Variants in GLIS3 observed in about 807,000 individuals in gnomAD.
GLIS3 encodes the protein zinc finger protein GLIS3.
GLIS3 carries 53 observed loss-of-function variants against 78.6 expected under a neutral mutation model. That is an observed-to-expected ratio of 0.67 (90% confidence interval 0.54 to 0.85). The LOEUF is 0.85. GLIS3 is among the 40% of genes least tolerant of loss of function. The pLI is 0.00. For missense variants in GLIS3, 1,703 were observed against 1,231.1 expected, an observed-to-expected ratio of 1.38 and a Z score of -5.74; for synonymous variants, 684 against 509.9, an observed-to-expected ratio of 1.34 and a Z score of -4.60.
upstream of GLIS3, among the ~76,000 whole-genome samples, chr9:4,303,212 T>C (rs528734638): frequency 5.6e-3 from 856 of 151,858 alleles, 10 homozygotes; most frequent in Non-Finnish European, 8.3e-3. Context: ...AACCCCAAAA[T>C]ACAGATAAGT....
chr9:4,374,317 T>A, the GLIS3 span, among the ~76,000 whole-genome samples: 1 of 152,234 alleles, frequency 6.6e-6, no homozygotes, highest in African/African-American at 2.4e-5. Context: ...GCTTTATCTA[T>A]CCCTGCAAAG....
chr9:4,120,654 G>A (rs1832106975), intron 3 of GLIS3, among the ~76,000 whole-genome samples: 1 of 152,164 alleles, frequency 6.6e-6, no homozygotes, highest in Admixed American at 6.5e-5. Context: ...TATCGTATAT[G>A]AGACAGAGAC....
intron 1 of GLIS3, among the ~76,000 whole-genome samples, chr9:4,288,707 ACACTCCCG>A (rs1828204416): frequency 6.7e-6 from 1 of 149,656 alleles, no homozygotes; most frequent in Admixed American, 6.8e-5. Context: ...TTTATAAACT[ACACTCCCG>A]TTTTAAATAG....
At chr9:3,932,150 A>G (rs1247332412) in intron 6 of GLIS3, among the ~76,000 whole-genome samples, 1 of 122,206 alleles carries the variant, frequency 8.2e-6, no homozygotes, top group Non-Finnish European at 2.0e-5. Context: ...TGCAAACCAT[A>G]GCCATATCAG....
chr9:4,009,208 T>C (rs1472652516), intron 4 of GLIS3, among the ~76,000 whole-genome samples: 2 of 152,126 alleles, frequency 1.3e-5, no homozygotes, highest in African/African-American at 2.4e-5. Flanking sequence ...AGAATGAAAA[T>C]TGCTCACACG....
intron 2 of GLIS3, among the ~76,000 whole-genome samples, chr9:4,243,189 T>A (rs945348527): frequency 1.3e-5 from 2 of 152,132 alleles, no homozygotes; most frequent in Non-Finnish European, 2.9e-5. Flanking sequence ...CACTTAATAA[T>A]TAAGGGAGCT....
intron 7 of GLIS3, among the ~76,000 whole-genome samples, chr9:3,890,480 A>T (rs10814765): frequency 0.99 from 150,215 of 152,150 alleles, 74,184 homozygotes; most frequent in Middle Eastern, 1. Context: ...CACAATTAAT[A>T]ATCCAACATT....
At chr9:4,332,082 T>C (rs1817696072) in intron 2 of GLIS3, among the ~76,000 whole-genome samples, 1 of 152,212 alleles carries the variant, frequency 6.6e-6, no homozygotes, top group Admixed American at 6.5e-5. Flanking sequence ...TCCAAGGATT[T>C]CTCATATCCT....
intron 4 of GLIS3, among the ~76,000 whole-genome samples, chr9:4,104,296 C>T (rs115038995): frequency 1.6e-3 from 240 of 152,242 alleles, no homozygotes; most frequent in African/African-American, 5.4e-3. Flanking sequence ...CCCCCTCCTT[C>T]CAGGTGCATG....
rs568483224 is a variant in GLIS3, at chr9:4,243,437, G to C, written c.388+42601C>G. ...ACATACGCATAGAGTACTAACACAG[G>C]TATACACATTTAGTACTAACACCAG... is the stretch of plus-strand genomic sequence containing the variant. On this transcript the variant is annotated intron_variant, in intron 2 of 10. Coordinates refer to ENST00000381971, the MANE Select transcript of GLIS3 (RefSeq NM_001042413.2). Among the ~76,000 whole-genome samples, 3 of 152,030 alleles carry C rather than the reference G, an allele frequency of 2.0e-5. No homozygotes were observed. In the South Asian group the frequency reaches 6.2e-4, roughly 32 times the overall value.
At position 4,117,921 on chromosome 9, in the gene GLIS3, C is replaced by A. The variant is rs749956126; in HGVS notation, c.1557G>T (p.Arg519=). The A allele has an allele frequency of 1.2e-6, 2 of 1,614,030 alleles. No homozygotes were observed. Among genetic ancestry groups the A allele is most frequent in the East Asian group, 2.2e-5 (1 of 44,872 alleles). Residue 519 remains arginine, a synonymous_variant, in exon 4 of 11, where the codon CGG becomes CGT. Coordinates refer to ENST00000381971, the MANE Select transcript of GLIS3 (RefSeq NM_001042413.2). ...GGTCGATGTGGACCTTCTCGATGTG[C>A]CGCACGAGCTCCTCCTGCTGGTCGT... ...ALYDQQEELV[R]HIEKVHIDQR...
intron 1 of GLIS3, among the ~76,000 whole-genome samples, chr9:4,293,190 T>C (rs1353021526): frequency 1.3e-5 from 2 of 152,206 alleles, no homozygotes; most frequent in Non-Finnish European, 2.9e-5. Flanking sequence ...GACTAAGTAT[T>C]TGCAAGGCTA....
In GLIS3 at chr9:4,250,817, G is replaced by T. The variant is rs200763944; in HGVS notation, c.388+35221C>A. On this transcript the variant is annotated intron_variant, in intron 2 of 10. Transcript: ENST00000381971. ...AGAGATTCTGGTACGTTGTGTCTTT[G>T]TTCTCATTGGTTTCAAAGAAATTAT... is the stretch of plus-strand genomic sequence containing the variant. Among the ~76,000 whole-genome samples, 3 of 152,126 alleles carry T rather than the reference G, an allele frequency of 2.0e-5. No homozygotes were observed. The East Asian group carries it at 5.8e-4, about 29-fold the overall frequency.
intron 4 of GLIS3, among the ~76,000 whole-genome samples, chr9:4,053,883 G>T (rs995073395): frequency 3.3e-5 from 5 of 151,876 alleles, no homozygotes; most frequent in African/African-American, 1.2e-4. Context: ...CATCAAACAC[G>T]GCAATCTGTT....
chr9:4,463,606 G>C, the GLIS3 span, among the ~76,000 whole-genome samples: 5 of 152,170 alleles, frequency 3.3e-5, no homozygotes, highest in African/African-American at 4.8e-5. Flanking sequence ...GATATCTGCT[G>C]TTTTAGGAGA....
chr9:4,212,883 AT>A, intron 2 of GLIS3, among the ~76,000 whole-genome samples: 1 of 152,292 alleles, frequency 6.6e-6, no homozygotes, highest in East Asian at 1.9e-4. Flanking sequence ...CCTGAGGGGT[AT>A]GGGGAGGCAG....
intron 4 of GLIS3, among the ~76,000 whole-genome samples, chr9:4,009,457 C>A (rs1284574797): frequency 2.0e-5 from 3 of 152,156 alleles, no homozygotes; most frequent in African/African-American, 4.8e-5. Context: ...CAGCCATGGC[C>A]CCGGCCCTGA....
intron 4 of GLIS3, among the ~76,000 whole-genome samples, chr9:4,022,636 G>C (rs573705633): frequency 1.3e-5 from 2 of 152,224 alleles, no homozygotes; most frequent in Admixed American, 1.3e-4. Flanking sequence ...AGTGTTCATG[G>C]ACTTCTTATT....
rs369419330 is a variant in GLIS3, at chr9:4,118,486, A to T, written c.992T>A (p.Ile331Asn). The T allele has an allele frequency of 2.5e-6, 4 of 1,614,012 alleles. No individual in the cohort carries two copies. Among genetic ancestry groups the T allele is most frequent in the Middle Eastern group, 1.6e-4 (1 of 6,084 alleles). The change falls in exon 4 of 11, where the codon ATC becomes AAC. Residue 331 changes from isoleucine to asparagine, a missense_variant. Ile to Asn is a moderately radical substitution (Grantham distance 149). Transcript: ENST00000381971. The surrounding 1 kb of genome is among the most constrained non-coding windows in gnomAD (Gnocchi z 4.7). ...RTSPTSLVAY[I>N]NGSRASPANL... is the part of the protein sequence containing the mutation. The stretch of plus-strand genomic sequence containing the variant: ...GGCCGGCGAAGCCCTCGACCCGTTG[A>T]TGTAGGCCACCAAGGACGTGGGCGA...
Sources: gnomAD v4.1 joint callset for allele counts (sites outside exome capture counted in the v4.1 genomes callset) on GRCh38, gnomAD v4.1.1 for gene constraint, Gnocchi (gnomAD v3.1) non-coding constraint, MANE v1.5 for transcripts, NCBI Gene and HGNC (gene_info 2026-07-23, HGNC 2026-07-21) for gene names.